Variants in ACTR3C observed in about 807,000 individuals in gnomAD.
The protein encoded by ACTR3C is actin related protein 3C, also known as actin-related protein 3C.
Under a neutral mutation model 26.3 loss-of-function variants are expected in ACTR3C, and 18 were observed. The observed-to-expected ratio is 0.68, with a 90% CI of 0.47 to 1.01. The LOEUF is 1.01. ACTR3C is among the 50% of genes least tolerant of loss of function. The pLI is 0.00. For missense variants in ACTR3C, 184 were observed against 250.7 expected, an observed-to-expected ratio of 0.73 and a Z score of 1.80; for synonymous variants, 55 against 94.5, an observed-to-expected ratio of 0.58 and a Z score of 2.42.
the ACTR3C span, among the ~76,000 whole-genome samples, chr7:150,088,937 A>G: frequency 1.3e-5 from 2 of 152,204 alleles, no homozygotes; most frequent in African/African-American, 4.8e-5. Context: ...AGGGAATAAC[A>G]TTTTCTTTAA....
the ACTR3C span, among the ~76,000 whole-genome samples, chr7:150,164,405 G>C: frequency 9.0e-3 from 1,375 of 152,172 alleles, 9 homozygotes; most frequent in Middle Eastern, 0.027. Flanking sequence ...AGTAGAGCCA[G>C]TGGGAGTCCC....
At chr7:150,154,824 C>A in the ACTR3C span, among the ~76,000 whole-genome samples, 1 of 151,980 alleles carries the variant, frequency 6.6e-6, no homozygotes, top group Admixed American at 6.6e-5. Context: ...GACACAATAC[C>A]CAGAAACATG....
the ACTR3C span, among the ~76,000 whole-genome samples, chr7:150,221,565 A>G: frequency 1.3e-5 from 2 of 152,206 alleles, no homozygotes; most frequent in Non-Finnish European, 2.9e-5. Context: ...TGGGAATCAA[A>G]CCACATAATT....
the ACTR3C span, among the ~76,000 whole-genome samples, chr7:150,198,309 T>C: frequency 6.7e-6 from 1 of 148,866 alleles, no homozygotes; most frequent in African/African-American, 2.6e-5. Context: ...CCGCCCATCG[T>C]CTGGGATGTG....
the ACTR3C span, among the ~76,000 whole-genome samples, chr7:149,917,869 C>A: frequency 7.9e-5 from 12 of 151,552 alleles, no homozygotes; most frequent in African/African-American, 2.9e-4. Context: ...CAGTCTCAAA[C>A]CCCAAACTTC....
chr7:150,149,107 AT>A, the ACTR3C span, among the ~76,000 whole-genome samples: 7 of 119,460 alleles, frequency 5.9e-5, no homozygotes, highest in South Asian at 1.9e-3. Context: ...ATATATATAT[AT>A]ATATATATAT....
downstream of ACTR3C, chr7:150,246,465 A>G (rs1563141263): frequency 6.6e-6 from 1 of 152,210 alleles, no homozygotes; most frequent in Non-Finnish European, 1.5e-5. Flanking sequence ...TTTTTGTGTG[A>G]CACGGGGGAC....
At chr7:150,038,361 T>C in the ACTR3C span, among the ~76,000 whole-genome samples, 1 of 143,324 alleles carries the variant, frequency 7.0e-6, no homozygotes, top group Admixed American at 6.8e-5. Context: ...CTCTGACGCA[T>C]ACAATGGAAA....
the ACTR3C span, among the ~76,000 whole-genome samples, chr7:149,910,523 G>A: frequency 1.4e-3 from 207 of 152,182 alleles, no homozygotes; most frequent in African/African-American, 4.9e-3. Context: ...AAGTTGAAAC[G>A]CGGTAAGTAA....
the ACTR3C span, among the ~76,000 whole-genome samples, chr7:149,912,989 T>C: frequency 1.3e-5 from 2 of 152,216 alleles, no homozygotes; most frequent in Non-Finnish European, 2.9e-5. Context: ...TTTTGTTACT[T>C]TGAATAATCA....
intron 6 of ACTR3C, among the ~76,000 whole-genome samples, chr7:150,266,843 G>A (rs1349435725): frequency 6.6e-6 from 1 of 152,166 alleles, no homozygotes; most frequent in Non-Finnish European, 1.5e-5. Context: ...TTTGTCATCA[G>A]GATCATACAG....
chr7:150,197,355 T>G, the ACTR3C span, among the ~76,000 whole-genome samples: 2 of 152,222 alleles, frequency 1.3e-5, no homozygotes, highest in African/African-American at 4.8e-5. Flanking sequence ...GCTGAGTCCT[T>G]CCTATTGACG....
At chr7:150,070,600 G>A in the ACTR3C span, among the ~76,000 whole-genome samples, 5 of 151,928 alleles carry the variant, frequency 3.3e-5, no homozygotes, top group African/African-American at 1.2e-4. Context: ...ACAGGTGTGC[G>A]CCGCCACGCC....
At chr7:149,994,844 CT>C in the ACTR3C span, among the ~76,000 whole-genome samples, 7,627 of 112,164 alleles carry the variant, frequency 0.068, 277 homozygotes, top group East Asian at 0.22. Context: ...TGTTAACATT[CT>C]TTTTTTTTTT....
At chr7:150,151,056 A>AAATAT in the ACTR3C span, among the ~76,000 whole-genome samples, 1 of 100,998 alleles carries the variant, frequency 9.9e-6, no homozygotes. Context: ...GTAAAACTAT[A>AAATAT]TTTTCCTTCT....
the ACTR3C span, among the ~76,000 whole-genome samples, chr7:150,011,952 C>A: frequency 1.3e-5 from 2 of 152,066 alleles, no homozygotes; most frequent in Admixed American, 1.3e-4. Flanking sequence ...AGACAGTGAA[C>A]GGTAAAGGCC....
chr7:150,174,495 C>A, the ACTR3C span, among the ~76,000 whole-genome samples: 1 of 140,164 alleles, frequency 7.1e-6, no homozygotes, highest in African/African-American at 3.2e-5. Flanking sequence ...TGGGTGGGGA[C>A]ACAGCCAGAC....
chr7:150,049,072 G>A, the ACTR3C span, among the ~76,000 whole-genome samples: 8 of 152,016 alleles, frequency 5.3e-5, no homozygotes, highest in Non-Finnish European at 1.2e-4. Context: ...GAGGGAGGGC[G>A]ACATGGCTCC....
the ACTR3C span, among the ~76,000 whole-genome samples, chr7:149,905,127 G>A: frequency 4.0e-5 from 6 of 151,364 alleles, no homozygotes; most frequent in Non-Finnish European, 8.8e-5. Context: ...TAAAGAGTAA[G>A]AGCCAAAGCT....
Sources: allele counts gnomAD v4.1 joint callset (sites outside exome capture counted in the v4.1 genomes callset), GRCh38; gene constraint gnomAD v4.1.1; transcripts MANE v1.5; gene names NCBI Gene and HGNC (gene_info 2026-07-23, HGNC 2026-07-21).